Variants in STXBP5L observed in about 807,000 individuals in gnomAD.
STXBP5L encodes the protein syntaxin-binding protein 5-like.
Under a neutral mutation model 144.5 loss-of-function variants are expected in STXBP5L, and 65 were observed. That is an observed-to-expected ratio of 0.45 (90% CI 0.37 to 0.55). The LOEUF is 0.55. STXBP5L is among the 20% of genes least tolerant of loss of function. The pLI is 0.00. For missense variants in STXBP5L, 1,298 were observed against 1,405.5 expected, an observed-to-expected ratio of 0.92 and a Z score of 1.22; for synonymous variants, 505 against 469.6, an observed-to-expected ratio of 1.08 and a Z score of -0.97.
intron 3 of STXBP5L, among the ~76,000 whole-genome samples, chr3:121,024,380 T>A (rs1215908977): frequency 1.3e-5 from 2 of 152,162 alleles, no homozygotes; most frequent in Non-Finnish European, 2.9e-5. Context: ...TAGGAATTCT[T>A]TAGTCCTACC....
At chr3:121,153,503 C>T (rs1029952199) in intron 8 of STXBP5L, among the ~76,000 whole-genome samples, 8 of 151,912 alleles carry the variant, frequency 5.3e-5, no homozygotes, top group African/African-American at 1.9e-4. Context: ...GAAAATGAAA[C>T]ACACACACAT....
intron 3 of STXBP5L, among the ~76,000 whole-genome samples, chr3:120,995,311 C>T (rs1334087547): frequency 1.3e-5 from 2 of 151,966 alleles, no homozygotes; most frequent in East Asian, 1.9e-4. Flanking sequence ...CCATGCCTGG[C>T]TAATTTTTTT....
chr3:121,271,276 G>C (rs1475516406), intron 18 of STXBP5L, among the ~76,000 whole-genome samples: 1 of 152,138 alleles, frequency 6.6e-6, no homozygotes, highest in Non-Finnish European at 1.5e-5. Flanking sequence ...ATTTGTGCCT[G>C]TGATGCTCTA....
intron 22 of STXBP5L, among the ~76,000 whole-genome samples, chr3:121,394,825 T>C (rs551326892): frequency 3.3e-4 from 50 of 152,170 alleles, no homozygotes; most frequent in African/African-American, 9.9e-4. Flanking sequence ...AGGATGGTCT[T>C]GATCTCCTGA....
intron 3 of STXBP5L, among the ~76,000 whole-genome samples, chr3:120,980,917 C>G (rs1055432560): frequency 6.6e-6 from 1 of 152,152 alleles, no homozygotes; most frequent in South Asian, 2.1e-4. Flanking sequence ...ATTCCCTTAG[C>G]CGTTTCTTGT....
intron 3 of STXBP5L, among the ~76,000 whole-genome samples, chr3:120,994,135 AT>A (rs929148345): frequency 4.0e-5 from 6 of 150,986 alleles, no homozygotes; most frequent in East Asian, 3.9e-4. Flanking sequence ...TTGTGTGCCA[AT>A]TTTTTTTTGT....
intron 5 of STXBP5L, among the ~76,000 whole-genome samples, chr3:121,052,809 C>G (rs1462479760): frequency 2.6e-5 from 4 of 151,950 alleles, no homozygotes. Context: ...TCAAATTGTC[C>G]CTGTTTGCAG....
chr3:120,974,569 G>A (rs1352873666), intron 3 of STXBP5L, among the ~76,000 whole-genome samples: 2 of 152,036 alleles, frequency 1.3e-5, no homozygotes, highest in Non-Finnish European at 2.9e-5. Context: ...TGTCAACTTT[G>A]GCTTTTGCTG....
At chr3:121,053,960 C>T (rs1175672275) in intron 5 of STXBP5L, among the ~76,000 whole-genome samples, 5 of 152,100 alleles carry the variant, frequency 3.3e-5, no homozygotes, top group South Asian at 4.1e-4. Flanking sequence ...CAAAAGAAGA[C>T]ATTTATGCAG....
At chr3:121,346,392 A>G (rs1410691494) in intron 20 of STXBP5L, among the ~76,000 whole-genome samples, 1 of 151,576 alleles carries the variant, frequency 6.6e-6, no homozygotes. Flanking sequence ...TGCTATTATG[A>G]ATAGTGCCGC....
At chr3:121,108,355 T>A (rs1235447184) in intron 5 of STXBP5L, among the ~76,000 whole-genome samples, 2 of 152,202 alleles carry the variant, frequency 1.3e-5, no homozygotes, top group Non-Finnish European at 2.9e-5. Context: ...GGGTTTGTTC[T>A]AAATGGCTCT....
At chr3:121,036,676 A>G (rs1223893557) in intron 3 of STXBP5L, among the ~76,000 whole-genome samples, 1 of 151,808 alleles carries the variant, frequency 6.6e-6, no homozygotes, top group Admixed American at 6.6e-5. Context: ...GGGAGATTTT[A>G]TTAAGAAAGC....
At chr3:121,214,169 T>C (rs368027586) in intron 10 of STXBP5L, among the ~76,000 whole-genome samples, 23 of 152,306 alleles carry the variant, frequency 1.5e-4, no homozygotes, top group Non-Finnish European at 2.2e-4. Flanking sequence ...CCTGGATTCA[T>C]TGATTTTTTT....
chr3:121,340,734 G>A (rs1293395104), intron 20 of STXBP5L, among the ~76,000 whole-genome samples: 1 of 152,030 alleles, frequency 6.6e-6, no homozygotes, highest in African/African-American at 2.4e-5. Context: ...TGGGTTTGCG[G>A]TGTGTAAATT....
At position 121,045,487 on chromosome 3, in the gene STXBP5L, G is replaced by T; in HGVS notation, c.422G>T (p.Arg141Ile). ...SDDTLHLWNL[R>I]QKRPAILHSL... ...GATACACTTCATTTGTGGAACCTTA[G>T]ACAAAAAAGGCCAGCCATACTCCAT... The change falls in exon 5 of 27, where the codon AGA becomes ATA. Residue 141 changes from arginine (R) to isoleucine (I), a missense_variant. By Grantham distance (97) the Arg-to-Ile change is moderately conservative. Transcript: ENST00000471454. 1.2e-6 allele frequency: 2 copies of T among 1,613,108 alleles called. No individual in the cohort carries two copies. Among genetic ancestry groups the T allele is most frequent in the Non-Finnish European group, 1.7e-6 (2 of 1,179,430 alleles).
intron 2 of STXBP5L, among the ~76,000 whole-genome samples, chr3:120,912,661 T>G (rs1428805208): frequency 2.0e-5 from 3 of 151,664 alleles, no homozygotes; most frequent in Non-Finnish European, 3.0e-5. Flanking sequence ...GTTACTGCAA[T>G]CGTTCAGAAT....
chr3:120,984,173 C>T (rs549524811), intron 3 of STXBP5L, among the ~76,000 whole-genome samples: 27 of 152,312 alleles, frequency 1.8e-4, no homozygotes, highest in African/African-American at 6.0e-4. Flanking sequence ...ACCTCCAGTT[C>T]TCCTCTTTCA....
At chr3:121,095,304 C>G (rs2043057454) in intron 5 of STXBP5L, among the ~76,000 whole-genome samples, 1 of 152,264 alleles carries the variant, frequency 6.6e-6, no homozygotes, top group African/African-American at 2.4e-5. Flanking sequence ...GTGGCATTCT[C>G]TGTATTTCCT....
chr3:121,211,566 CT>C (rs999201089), intron 10 of STXBP5L, among the ~76,000 whole-genome samples: 3 of 135,712 alleles, frequency 2.2e-5, no homozygotes, highest in Non-Finnish European at 4.6e-5. Flanking sequence ...TATTTCCTGA[CT>C]TTTTTTCTTT....
Sources: gnomAD v4.1 joint callset for allele counts (sites outside exome capture counted in the v4.1 genomes callset) on GRCh38, gnomAD v4.1.1 for gene constraint, MANE v1.5 for transcripts, NCBI Gene and HGNC (gene_info 2026-07-23, HGNC 2026-07-21) for gene names.